The following KIAA0825 variants were observed in gnomAD, a reference collection of about 807,000 sequenced individuals.
KIAA0825 encodes KIAA0825, also known as uncharacterized protein KIAA0825.
Under a neutral mutation model 147.6 loss-of-function variants are expected in KIAA0825, and 119 were observed. The observed-to-expected ratio is 0.81, with a 90% confidence interval of 0.69 to 0.94. The LOEUF (loss-of-function observed/expected upper bound fraction) is 0.94, where lower values mean the gene tolerates loss of function less well. Ranked by LOEUF, KIAA0825 falls within the 40% of genes least tolerant of loss-of-function variation. KIAA0825 has a pLI of 0.00. For missense variants in KIAA0825, 1,381 were observed against 1,472.7 expected, an observed-to-expected ratio of 0.94 and a Z score of 1.02; for synonymous variants, 470 against 518.1, an observed-to-expected ratio of 0.91 and a Z score of 1.26.
chr5:94,268,802 T>A (rs1776853264), intron 20 of KIAA0825, among the ~76,000 whole-genome samples: 1 of 152,136 alleles, frequency 6.6e-6, no homozygotes, highest in Admixed American at 6.5e-5. Flanking sequence ...TAATATTTGA[T>A]TTATATCTCT....
At chr5:94,600,803 G>A (rs1786266885) in intron 1 of KIAA0825, among the ~76,000 whole-genome samples, 1 of 152,176 alleles carries the variant, frequency 6.6e-6, no homozygotes, top group Non-Finnish European at 1.5e-5. Flanking sequence ...ACAAAAGTGT[G>A]ACCAGATTGC....
intron 20 of KIAA0825, among the ~76,000 whole-genome samples, chr5:94,376,892 G>C (rs899213748): frequency 6.6e-6 from 1 of 152,096 alleles, no homozygotes; most frequent in East Asian, 1.9e-4. Flanking sequence ...TAACCAGGCC[G>C]CCTGCTGCTG....
intron 1 of KIAA0825, chr5:94,594,519 G>A: frequency 1.3e-6 from 1 of 747,540 alleles, no homozygotes; most frequent in Admixed American, 1.8e-5. Flanking sequence ...ACAACTACCA[G>A]AAATGCCCTG....
intron 20 of KIAA0825, among the ~76,000 whole-genome samples, chr5:94,332,994 T>A (rs1781441836): frequency 6.6e-6 from 1 of 152,238 alleles, no homozygotes; most frequent in African/African-American, 2.4e-5. Flanking sequence ...GAGCTTTTTT[T>A]CATATGTTTA....
intron 20 of KIAA0825, among the ~76,000 whole-genome samples, chr5:94,360,111 T>C (rs574617096): frequency 4.6e-5 from 7 of 151,992 alleles, no homozygotes; most frequent in African/African-American, 1.4e-4. Context: ...CTTAGGACAG[T>C]TCAGGAACAA....
chr5:94,440,549 A>G (rs1584497568), intron 13 of KIAA0825, among the ~76,000 whole-genome samples: 1 of 152,172 alleles, frequency 6.6e-6, no homozygotes, highest in East Asian at 1.9e-4. Context: ...GTAATTTGCT[A>G]TATAATGTGA....
intron 20 of KIAA0825, among the ~76,000 whole-genome samples, chr5:94,308,090 G>A (rs1411171528): frequency 2.6e-5 from 4 of 151,714 alleles, no homozygotes; most frequent in Non-Finnish European, 5.9e-5. Context: ...GGATTTTAAA[G>A]AGTTTTTCAA....
intron 2 of KIAA0825, among the ~76,000 whole-genome samples, chr5:94,551,722 C>T (rs1471889247): frequency 6.6e-6 from 1 of 151,886 alleles, no homozygotes. Flanking sequence ...AGTCCTACAT[C>T]TGAATGTGAA....
At chr5:94,514,199 C>T (rs1323727798) in intron 5 of KIAA0825, among the ~76,000 whole-genome samples, 1 of 152,094 alleles carries the variant, frequency 6.6e-6, no homozygotes, top group Admixed American at 6.5e-5. Context: ...TTTAGCTTAA[C>T]TCTGGTAAAA....
chr5:94,386,064 T>G (rs772859299), intron 19 of KIAA0825, among the ~76,000 whole-genome samples, 178 bp downstream of exon 19: 19 of 152,046 alleles, frequency 1.2e-4, no homozygotes, highest in Non-Finnish European at 2.4e-4. Context: ...GTTTGACAAA[T>G]AGAAAAAAGG....
intron 5 of KIAA0825, among the ~76,000 whole-genome samples, chr5:94,516,263 TG>T (rs968202254): frequency 2.6e-5 from 4 of 152,170 alleles, no homozygotes; most frequent in African/African-American, 9.7e-5. Context: ...GAATGCACTG[TG>T]GGGTGCCCAG....
At chr5:94,207,801 A>C (rs1772342172) in intron 20 of KIAA0825, among the ~76,000 whole-genome samples, 1 of 152,162 alleles carries the variant, frequency 6.6e-6, no homozygotes, top group African/African-American at 2.4e-5. Context: ...TCGCAGTCAA[A>C]CACTTCTTTA....
At chr5:94,306,998 C>T (rs1387958203) in intron 20 of KIAA0825, among the ~76,000 whole-genome samples, 5 of 151,782 alleles carry the variant, frequency 3.3e-5, no homozygotes, top group Non-Finnish European at 7.4e-5. Flanking sequence ...CCCACCTCTA[C>T]AGGCAATTCT....
intron 20 of KIAA0825, among the ~76,000 whole-genome samples, chr5:94,201,433 G>A (rs543625569): frequency 1.6e-4 from 25 of 151,916 alleles, no homozygotes; most frequent in African/African-American, 5.1e-4. Flanking sequence ...ATTAAGACAC[G>A]ATCTTGCTCC....
At chr5:94,155,851 A>G (rs1298976108) in intron 20 of KIAA0825, among the ~76,000 whole-genome samples, 2 of 152,172 alleles carry the variant, frequency 1.3e-5, no homozygotes, top group African/African-American at 4.8e-5. Context: ...CTGCCACACT[A>G]TTCAAAGCCA....
intron 5 of KIAA0825, among the ~76,000 whole-genome samples, chr5:94,512,595 TAAA>T (rs557790918): frequency 7.0e-5 from 9 of 128,198 alleles, no homozygotes; most frequent in Admixed American, 4.0e-4. Flanking sequence ...GATCCTGTCT[TAAA>T]AAAAAAAAAA....
chr5:94,416,179 G>A (rs2150706318), intron 15 of KIAA0825: 1 of 152,220 alleles, frequency 6.6e-6, no homozygotes, highest in Non-Finnish European at 1.5e-5. Flanking sequence ...CATTATTACA[G>A]AAACTTTAAA....
At chr5:94,560,942 G>A (rs1777449513) in intron 2 of KIAA0825, among the ~76,000 whole-genome samples, 1 of 152,166 alleles carries the variant, frequency 6.6e-6, no homozygotes, top group Non-Finnish European at 1.5e-5. Context: ...AATTTCCTGA[G>A]TGATTGAAAT....
Position 94,475,914 on chromosome 5 carries a change from TTCTCA to T in KIAA0825, c.1227+1192_1227+1196del, listed in dbSNP as rs375880825. Among the ~76,000 whole-genome samples the T allele has an allele frequency of 5.1e-3, 777 of 152,370 alleles. 7 individuals carry two copies. Among genetic ancestry groups the T allele is most frequent in the Middle Eastern group, 0.037 (11 of 294 alleles). On this transcript the variant is annotated intron_variant, in intron 7 of 20. Transcript: ENST00000682413. ...AAATATAGTTTGCTTACTTCTACTC[TTCTCA>T]TCTAATATTTGGCATCATACATATT... is the stretch of plus-strand genomic sequence containing the variant.
Sources: gnomAD v4.1 joint callset for allele counts (sites outside exome capture counted in the v4.1 genomes callset) on GRCh38, gnomAD v4.1.1 for gene constraint, MANE v1.5 for transcripts, NCBI Gene and HGNC (gene_info 2026-07-23, HGNC 2026-07-21) for gene names.